Variants in TMEM207 observed in about 807,000 individuals in gnomAD.
TMEM207 encodes SRSR846.
Under a neutral mutation model 17.4 loss-of-function variants are expected in TMEM207, and 15 were observed. The ratio of observed to expected loss-of-function variants is 0.86; its 90% CI spans 0.58 to 1.33. TMEM207 has a LOEUF of 1.33. Ranked by LOEUF, TMEM207 falls within the 40% of genes most tolerant of loss-of-function variation. The probability of loss-of-function intolerance (pLI) is 0.00; values close to 1 mark genes in which losing one functional copy is unlikely to be tolerated. For synonymous variants in TMEM207, 70 were observed against 65.6 expected (o/e 1.07, Z -0.33); for missense variants, 205 against 173.8 (o/e 1.18, Z -1.01).
At chr3:190,445,671 G>A (rs575708859) in intron 2 of TMEM207, among the ~76,000 whole-genome samples, 38 of 152,210 alleles carry the variant, frequency 2.5e-4, no homozygotes, top group African/African-American at 8.7e-4. Flanking sequence ...GATTACAGGT[G>A]CGTGCCACCA....
chr3:190,432,473 C>T (rs1719712235), intron 4 of TMEM207, among the ~76,000 whole-genome samples: 1 of 152,202 alleles, frequency 6.6e-6, no homozygotes, highest in African/African-American at 2.4e-5. Context: ...TAGCACAGAG[C>T]ATGGCTCCTG....
chr3:190,430,239 C>T (rs1456457659), intron 4 of TMEM207, among the ~76,000 whole-genome samples: 3 of 151,824 alleles, frequency 2.0e-5, no homozygotes, highest in Non-Finnish European at 4.4e-5. Context: ...AGTATACACA[C>T]ACAATAAAGA....
Position 190,429,461 on chromosome 3 carries a change from G to A in TMEM207, c.*134C>T. On this transcript the variant is annotated 3_prime_UTR_variant, in exon 5 of 5. Transcript: ENST00000354905. ...AATTTTTTCCAACATCCATTCTTTT[G>A]TCGAATTGTCCTTCCTCAGACTATA... is the stretch of plus-strand genomic sequence containing the variant. 2 of 1,291,076 alleles carry A rather than the reference G, an allele frequency of 1.5e-6. No individual in the cohort carries two copies. Among genetic ancestry groups the A allele is most frequent in the Non-Finnish European group, 2.1e-6 (2 of 962,616 alleles). 80.0% of individuals were successfully genotyped at this position (1,291,076 alleles called of 1,614,324 possible). A position where few individuals can be genotyped will look rare whatever the true frequency, so the allele number is the denominator to read the frequency against.
At chr3:190,441,602 C>G (rs1389508396) in intron 2 of TMEM207, 120 bp from the exon 3 acceptor site, 1 of 721,006 alleles carries the variant, frequency 1.4e-6, no homozygotes, top group East Asian at 2.6e-5. Flanking sequence ...TACATATTCC[C>G]ATACCAGCCC....
chr3:190,438,086 G>A (rs868666385), intron 4 of TMEM207, among the ~76,000 whole-genome samples: 1 of 119,008 alleles, frequency 8.4e-6, no homozygotes, highest in Non-Finnish European at 1.7e-5. Context: ...CATCACACTT[G>A]GGACTGTTGT....
chr3:190,429,914 G>GA (rs35489958), intron 4 of TMEM207, among the ~76,000 whole-genome samples, 183 bp from the exon 5 acceptor site: 1 of 127,032 alleles, frequency 7.9e-6, no homozygotes, highest in African/African-American at 3.6e-5. Context: ...CCACAGGGGG[G>GA]AAAAAAAAAA....
Position 190,447,844 on chromosome 3 carries a change from G to C in TMEM207, c.76-17C>G, listed in dbSNP as rs376558422. 5.6e-6 allele frequency: 9 copies of C among 1,609,104 alleles called. No individual in the cohort carries two copies. Among genetic ancestry groups the C allele is most frequent in the Admixed American group, 1.7e-5 (1 of 59,180 alleles). Reference sequence around the variant, plus strand: ...GAGCACCAACTGAAACACATGTTTAGAACAATAAAATCCAAACATCTCATC... The same window carrying C: ...GAGCACCAACTGAAACACATGTTTACAACAATAAAATCCAAACATCTCATC... On this transcript the variant is annotated splice_polypyrimidine_tract_variant and intron_variant, in intron 1 of 4. Transcript: ENST00000354905.
rs1310996718 is a variant in TMEM207 at position 190,444,445 on chromosome 3, T to C, written c.114-2963A>G. 4 of 984,588 alleles carry C rather than the reference T, an allele frequency of 4.1e-6. No homozygotes were observed. The South Asian group carries it at 1.9e-4, about 46-fold the overall frequency. The allele number at this position is 984,588 out of a possible 1,614,324, so 61.0% of individuals were successfully genotyped here. On this transcript the variant is annotated intron_variant, in intron 2 of 4. Coordinates refer to ENST00000354905, the MANE Select transcript of TMEM207 (RefSeq NM_207316.3). ...TCTAACCTCATAGTACCATGTGGAGTATTGCCTGAATGAATCCAGTATCCC... is the reference window on the plus strand; with the variant it reads ...TCTAACCTCATAGTACCATGTGGAGCATTGCCTGAATGAATCCAGTATCCC...
At chr3:190,441,946 T>G (rs991730208) in intron 2 of TMEM207, among the ~76,000 whole-genome samples, 1 of 152,242 alleles carries the variant, frequency 6.6e-6, no homozygotes, top group Non-Finnish European at 1.5e-5. Context: ...CTGTTTGCCC[T>G]CTTGTTATAC....
chr3:190,449,617 G>T, intron 1 of TMEM207, 118 bp downstream of exon 1: 1 of 883,746 alleles, frequency 1.1e-6, no homozygotes, highest in East Asian at 2.6e-5. Flanking sequence ...AAGCTTGAAG[G>T]AAATCTTTTA....
intron 4 of TMEM207, among the ~76,000 whole-genome samples, chr3:190,436,089 G>A (rs1342161472): frequency 6.6e-6 from 1 of 152,156 alleles, no homozygotes; most frequent in African/African-American, 2.4e-5. Flanking sequence ...CAGCTTCCAG[G>A]AGATCCTGAG....
intron 4 of TMEM207, among the ~76,000 whole-genome samples, chr3:190,433,613 A>T (rs1330611477): frequency 6.6e-6 from 1 of 152,066 alleles, no homozygotes; most frequent in Non-Finnish European, 1.5e-5. Flanking sequence ...CTCAACCTTT[A>T]CTAAAAATTT....
chr3:190,436,001 T>C (rs1719796631), intron 4 of TMEM207, among the ~76,000 whole-genome samples: 2 of 152,354 alleles, frequency 1.3e-5, no homozygotes, highest in Non-Finnish European at 2.9e-5. Context: ...CTCTATTTTA[T>C]GTATTTTAAC....
rs1178598111 is a variant in TMEM207, at chr3:190,429,624, G to T, written c.412C>A (p.Pro138Thr). 1.9e-6 allele frequency: 3 copies of T among 1,613,334 alleles called. No homozygotes were observed. Among genetic ancestry groups the T allele is most frequent in the African/African-American group, 2.7e-5 (2 of 74,858 alleles). Residue 138 changes from proline (P) to threonine (T), a missense_variant, in exon 5 of 5, where the codon CCA (proline) becomes ACA (threonine). Transcript: ENST00000354905. ...GTTGTTTTTACAATTTCTTCATATGGAGGTGGGGAGCCTAAAGGGCCAAAA... is the reference window on the plus strand; with the variant it reads ...GTTGTTTTTACAATTTCTTCATATGTAGGTGGGGAGCCTAAAGGGCCAAAA... ...PCFGPLGSPP[P>T]YEEIVKTT
chr3:190,429,876 C>T, intron 4 of TMEM207, 145 bp from the exon 5 acceptor site: 2 of 1,041,712 alleles, frequency 1.9e-6, no homozygotes, highest in Non-Finnish European at 2.6e-6. Flanking sequence ...TTACAACTAT[C>T]TTGCTCTTTG....
chr3:190,440,385 G>C lies in TMEM207; in HGVS notation c.163C>G (p.Leu55Val), dbSNP rs764754080. 1 of 1,609,370 alleles carries C rather than the reference G, an allele frequency of 6.2e-7. No individual in the cohort carries two copies. The highest frequency in any genetic ancestry group is 8.5e-7 in the Non-Finnish European group (1 of 1,178,592). ...QHPNGWYIWI[L>V]LLLVLVAALL... is the part of the protein sequence containing the mutation. Reference sequence around the variant, plus strand: ...GCTGCCACCAAAACCAGCAGCAGGAGGATCCTGACTCCAAAAGTAACCGAG... The same window carrying C: ...GCTGCCACCAAAACCAGCAGCAGGACGATCCTGACTCCAAAAGTAACCGAG... Residue 55 changes from leucine (L) to valine (V), a missense_variant, in exon 4 of 5, where the codon CTC becomes GTC. Coordinates refer to ENST00000354905, the MANE Select transcript of TMEM207 (RefSeq NM_207316.3).
chr3:190,448,464 T>G (rs1419451388), intron 1 of TMEM207, among the ~76,000 whole-genome samples: 2 of 152,148 alleles, frequency 1.3e-5, no homozygotes, highest in Admixed American at 1.3e-4. Flanking sequence ...ATGCTCTTAG[T>G]TATCTGCACT....
intron 4 of TMEM207, among the ~76,000 whole-genome samples, chr3:190,432,086 CA>C (rs1213810847): frequency 6.6e-6 from 1 of 152,098 alleles, no homozygotes; most frequent in African/African-American, 2.4e-5. Context: ...AAAATGCCAG[CA>C]AAAATCCTAT....
intron 3 of TMEM207, 86 bp downstream of exon 3, chr3:190,441,352 G>A (rs1408285681): frequency 9.2e-7 from 1 of 1,081,366 alleles, no homozygotes; most frequent in African/African-American, 1.6e-5. Context: ...TAAGCTGTAT[G>A]ATTTCATGTA....
Sources: allele counts gnomAD v4.1 joint callset (sites outside exome capture counted in the v4.1 genomes callset), GRCh38; gene constraint gnomAD v4.1.1; transcripts MANE v1.5; gene names NCBI Gene and HGNC (gene_info 2026-07-23, HGNC 2026-07-21).